The following SPINK8 variants were observed in gnomAD, a reference collection of about 807,000 sequenced individuals.
The protein encoded by SPINK8 is serine protease inhibitor Kazal-type 8.
SPINK8 carries 12 observed loss-of-function variants against 14.4 expected under a neutral mutation model. The ratio of observed to expected loss-of-function variants is 0.83; its 90% CI spans 0.53 to 1.35. The LOEUF is 1.35. Ranked by LOEUF, SPINK8 falls within the 40% of genes most tolerant of loss-of-function variation. SPINK8 has a pLI of 0.00. For missense variants in SPINK8, 103 were observed against 117.0 expected, an observed-to-expected ratio of 0.88 and a Z score of 0.55; for synonymous variants, 32 against 37.6, an observed-to-expected ratio of 0.85 and a Z score of 0.55.
At chr3:48,321,581 A>G (rs1207614230) in intron 4 of SPINK8, among the ~76,000 whole-genome samples, 2 of 151,704 alleles carry the variant, frequency 1.3e-5, no homozygotes, top group African/African-American at 2.4e-5. Context: ...TTCACATATC[A>G]TAGAATTTTA....
chr3:48,307,523 C>T (rs1308569110), intron 7 of SPINK8, among the ~76,000 whole-genome samples: 1 of 142,478 alleles, frequency 7.0e-6, no homozygotes, highest in African/African-American at 2.6e-5. Flanking sequence ...TCTCTCTCTC[C>T]CTCCCTATCT....
In SPINK8 at chr3:48,319,619, C is replaced by G; in HGVS notation, c.118-1G>C. 2.5e-6 allele frequency: 4 copies of G among 1,613,828 alleles called. No homozygotes were observed. Among genetic ancestry groups the G allele is most frequent in the Non-Finnish European group, 3.4e-6 (4 of 1,179,816 alleles). ...TATTTACATTCTTGAGGCATTCAAC[C>G]TGAAGGTGAGACACACACAACTGCT... On this transcript the variant is annotated splice_acceptor_variant, in intron 5 of 7. Transcript: ENST00000434006. LOFTEE classifies it high-confidence loss of function.
chr3:48,314,814 G>T (rs1272456850), intron 6 of SPINK8, among the ~76,000 whole-genome samples: 2 of 152,206 alleles, frequency 1.3e-5, no homozygotes, highest in Non-Finnish European at 2.9e-5. Flanking sequence ...GATGTCCATA[G>T]GAGGTTTTGA....
intron 1 of SPINK8, among the ~76,000 whole-genome samples, chr3:48,333,205 G>A (rs982037725): frequency 1.3e-5 from 2 of 152,222 alleles, no homozygotes; most frequent in Non-Finnish European, 1.5e-5. Flanking sequence ...AAGTCTAGCT[G>A]TAAGATGGTG....
chr3:48,322,535 C>T (rs553173053), intron 4 of SPINK8, among the ~76,000 whole-genome samples: 3 of 152,118 alleles, frequency 2.0e-5, no homozygotes, highest in South Asian at 4.2e-4. Flanking sequence ...GGGGTTTCAC[C>T]GTGTTGTCCA....
chr3:48,317,894 C>A (rs1360731195), intron 6 of SPINK8, among the ~76,000 whole-genome samples: 1 of 152,090 alleles, frequency 6.6e-6, no homozygotes, highest in South Asian at 2.1e-4. Flanking sequence ...GCAGGTGCCA[C>A]CATGCCTGGC....
chr3:48,327,862 T>C (rs2036167364), intron 4 of SPINK8, among the ~76,000 whole-genome samples: 1 of 152,162 alleles, frequency 6.6e-6, no homozygotes, highest in African/African-American at 2.4e-5. Flanking sequence ...TGTTGAGGCC[T>C]TCAGAGATTC....
intron 4 of SPINK8, among the ~76,000 whole-genome samples, chr3:48,325,844 C>T (rs552978274): frequency 3.9e-5 from 6 of 152,034 alleles, no homozygotes; most frequent in East Asian, 3.9e-4. Context: ...GTGATCTGCC[C>T]GCCTTGGCCT....
chr3:48,332,692 T>C (rs530416333), intron 1 of SPINK8, among the ~76,000 whole-genome samples: 5 of 152,314 alleles, frequency 3.3e-5, no homozygotes, highest in South Asian at 2.1e-4. Context: ...ATACCAGAGA[T>C]TGCCAAACTC....
At chr3:48,313,245 G>A (rs1475642646) in intron 6 of SPINK8, among the ~76,000 whole-genome samples, 2 of 152,068 alleles carry the variant, frequency 1.3e-5, no homozygotes, top group Non-Finnish European at 2.9e-5. Flanking sequence ...ATAGTATTTA[G>A]TATTCAAAAT....
At chr3:48,316,751 T>A (rs929648862) in intron 6 of SPINK8, among the ~76,000 whole-genome samples, 3 of 151,842 alleles carry the variant, frequency 2.0e-5, no homozygotes, top group Non-Finnish European at 4.4e-5. Context: ...CCAACCTGGG[T>A]GACAGAGTGA....
intron 4 of SPINK8, among the ~76,000 whole-genome samples, chr3:48,322,249 TA>T (rs553394286): frequency 8.3e-4 from 126 of 152,192 alleles, no homozygotes; most frequent in African/African-American, 2.9e-3. Context: ...CTGTAACCAT[TA>T]GCAGTCATTT....
intron 2 of SPINK8, among the ~76,000 whole-genome samples, chr3:48,331,886 G>A (rs953768365): frequency 6.6e-6 from 1 of 152,204 alleles, no homozygotes; most frequent in Non-Finnish European, 1.5e-5. Context: ...TAACCTCCTG[G>A]CCCTCAGTGG....
chr3:48,308,338 C>A (rs1287599237), intron 7 of SPINK8, among the ~76,000 whole-genome samples: 1 of 152,092 alleles, frequency 6.6e-6, no homozygotes, highest in Non-Finnish European at 1.5e-5. Flanking sequence ...TTTATAAAAG[C>A]AATATTAATT....
At chr3:48,307,173 T>C (rs778757849) in intron 7 of SPINK8, among the ~76,000 whole-genome samples, 170 bp from the exon 8 acceptor site, 2 of 151,934 alleles carry the variant, frequency 1.3e-5, no homozygotes, top group Non-Finnish European at 2.9e-5. Flanking sequence ...AAAAGCAGAG[T>C]GAAAGTCGGT....
chr3:48,310,912 A>G (rs2035916877), intron 6 of SPINK8, among the ~76,000 whole-genome samples: 1 of 152,228 alleles, frequency 6.6e-6, no homozygotes, highest in Non-Finnish European at 1.5e-5. Context: ...CCATGTTATC[A>G]AAGACAGACA....
intron 7 of SPINK8, 58 bp from the exon 8 acceptor site, chr3:48,307,061 A>G (rs1157601283): frequency 6.5e-7 from 1 of 1,536,410 alleles, no homozygotes; most frequent in South Asian, 1.2e-5. Flanking sequence ...GAGAAAAGCC[A>G]CCACACTGGT....
intron 6 of SPINK8, among the ~76,000 whole-genome samples, chr3:48,311,235 G>T (rs1247345234): frequency 6.6e-6 from 1 of 151,974 alleles, no homozygotes; most frequent in South Asian, 2.1e-4. Flanking sequence ...GAATAGAAGA[G>T]AACTTCTTCA....
chr3:48,321,885 T>C (rs1483857785), intron 4 of SPINK8, among the ~76,000 whole-genome samples: 1 of 148,708 alleles, frequency 6.7e-6, no homozygotes, highest in Admixed American at 6.7e-5. Flanking sequence ...CGATATCAGC[T>C]CACTGAAGCC....
Sources: allele counts gnomAD v4.1 joint callset (sites outside exome capture counted in the v4.1 genomes callset), GRCh38; gene constraint gnomAD v4.1.1; transcripts MANE v1.5; gene names NCBI Gene and HGNC (gene_info 2026-07-23, HGNC 2026-07-21).